Variants in STX8 observed in about 807,000 individuals in gnomAD.
STX8 encodes syntaxin-8.
STX8 carries 23 observed loss-of-function variants against 37.5 expected under a neutral mutation model. The ratio of observed to expected loss-of-function variants is 0.61; its 90% confidence interval spans 0.44 to 0.87. The LOEUF (loss-of-function observed/expected upper bound fraction) is 0.87, where lower values mean the gene tolerates loss of function less well. Ranked by LOEUF, STX8 falls within the 40% of genes least tolerant of loss-of-function variation. The pLI is 0.00. For synonymous variants in STX8, 115 were observed against 99.1 expected, an observed-to-expected ratio of 1.16 and a Z score of -0.95; for missense variants, 313 against 284.7, an observed-to-expected ratio of 1.10 and a Z score of -0.71.
chr17:9,342,750 C>T (rs141087164), intron 7 of STX8, among the ~76,000 whole-genome samples: 16 of 152,118 alleles, frequency 1.1e-4, no homozygotes, highest in East Asian at 5.8e-4. Context: ...TGGCCGGGCG[C>T]GGTGGCTCAC....
chr17:9,327,343 GAGGAGGAGAAGGAGAGGGAGAGGGAGA>G (rs1301410922), intron 7 of STX8, among the ~76,000 whole-genome samples: 1 of 150,424 alleles, frequency 6.6e-6, no homozygotes, highest in Non-Finnish European at 1.5e-5. Flanking sequence ...GGAGAAGGAG[GAGGAGGAGAAGGAGAGGGAGAGGGAGA>G]AGGAGGAGAA....
At chr17:9,436,970 T>C (rs139878185) in intron 6 of STX8, among the ~76,000 whole-genome samples, 1 of 152,294 alleles carries the variant, frequency 6.6e-6, no homozygotes, top group African/African-American at 2.4e-5. Context: ...AATACTCTTC[T>C]GTGCAATAAA....
intron 6 of STX8, among the ~76,000 whole-genome samples, chr17:9,409,012 C>A (rs567088636): frequency 5.5e-4 from 81 of 146,958 alleles, no homozygotes; most frequent in Non-Finnish European, 6.3e-4. Flanking sequence ...TTCTCCCTAC[C>A]CCCCCTACTG....
chr17:9,430,658 T>A (rs1016714140), intron 6 of STX8, among the ~76,000 whole-genome samples: 2 of 150,364 alleles, frequency 1.3e-5, no homozygotes, highest in African/African-American at 4.9e-5. Flanking sequence ...GCTTTTTTTT[T>A]TTTTTTTTTG....
chr17:9,499,377 C>T (rs565421481), intron 5 of STX8, among the ~76,000 whole-genome samples: 3 of 152,138 alleles, frequency 2.0e-5, no homozygotes, highest in South Asian at 2.1e-4. Flanking sequence ...AAAAACAGCT[C>T]GCTAGCAAAG....
intron 6 of STX8, among the ~76,000 whole-genome samples, chr17:9,385,374 A>G (rs757779748): frequency 3.3e-5 from 5 of 152,214 alleles, no homozygotes; most frequent in Non-Finnish European, 7.3e-5. Context: ...AAAAATTAAT[A>G]AATAAGCCAC....
chr17:9,506,418 CCCACCCACCTTTCTTAGGAAA>C (rs1435953205), intron 4 of STX8, among the ~76,000 whole-genome samples: 4 of 98,492 alleles, frequency 4.1e-5, no homozygotes, highest in African/African-American at 1.5e-4. Context: ...CCCCCCCCCC[CCCACCCACCTTTCTTAGGAAA>C]GGACTAAGGC....
intron 7 of STX8, among the ~76,000 whole-genome samples, chr17:9,372,852 C>T (rs1186062682): frequency 6.7e-6 from 1 of 149,370 alleles, no homozygotes; most frequent in Non-Finnish European, 1.5e-5. Context: ...GCCTGTAATC[C>T]CAAAACTTTG....
At chr17:9,562,610 AAAAAT>A (rs371141198) in intron 2 of STX8, among the ~76,000 whole-genome samples, 4,690 of 23,280 alleles carry the variant, frequency 0.2, 70 homozygotes, top group Middle Eastern at 0.5. Flanking sequence ...AGAAAAAAAA[AAAAAT>A]ATATATATAT....
intron 6 of STX8, among the ~76,000 whole-genome samples, chr17:9,489,861 TG>T (rs1325448788): frequency 6.6e-6 from 1 of 152,084 alleles, no homozygotes; most frequent in Non-Finnish European, 1.5e-5. Context: ...GCTAATTTTT[TG>T]TATCTTTAGT....
At chr17:9,307,734 G>T (rs8067593) in intron 7 of STX8, among the ~76,000 whole-genome samples, 17,921 of 151,914 alleles carry the variant, frequency 0.12, 3,350 homozygotes, top group African/African-American at 0.4. Context: ...AACTGAGGGA[G>T]ACTGGGAGGC....
intron 4 of STX8, among the ~76,000 whole-genome samples, chr17:9,525,670 C>G (rs1192149957): frequency 6.6e-6 from 1 of 152,066 alleles, no homozygotes; most frequent in Non-Finnish European, 1.5e-5. Context: ...TTCTAATCTC[C>G]CAGATCATTT....
chr17:9,423,131 A>G (rs1913504305), intron 6 of STX8, among the ~76,000 whole-genome samples: 1 of 152,248 alleles, frequency 6.6e-6, no homozygotes, highest in African/African-American at 2.4e-5. Context: ...CACTTTCCCC[A>G]GAATCAAAAG....
At chr17:9,491,141 C>G (rs1223948071) in intron 6 of STX8, among the ~76,000 whole-genome samples, 1 of 152,208 alleles carries the variant, frequency 6.6e-6, no homozygotes, top group Non-Finnish European at 1.5e-5. Context: ...CCGCCGGCAT[C>G]TCTAATTAGA....
intron 3 of STX8, among the ~76,000 whole-genome samples, chr17:9,546,598 T>TTTTTG (rs1836502599): frequency 1.6e-5 from 2 of 124,212 alleles, no homozygotes. Context: ...GTGGTTTTTT[T>TTTTTG]TTTTTTTTTT....
At chr17:9,313,993 A>G (rs749869011) in intron 7 of STX8, among the ~76,000 whole-genome samples, 113 of 152,192 alleles carry the variant, frequency 7.4e-4, no homozygotes, top group Non-Finnish European at 1.2e-3. Context: ...AGTTCTCATA[A>G]GAGTTTACCT....
At chr17:9,491,678 C>T (rs1035129430) in intron 6 of STX8, 151 bp downstream of exon 6, 28 of 649,262 alleles carry the variant, frequency 4.3e-5, no homozygotes, top group African/African-American at 4.2e-4. Context: ...TCTAAATCTG[C>T]CACAACCCCC....
At position 9,443,564 on chromosome 17, in the gene STX8, T is replaced by C. The variant is rs760789004; in HGVS notation, c.541+48265A>G. ...CCACAGAGCCATTCCCCTTGAGCCATAGAGCCACACAGAGCCACTCCCTTG... is the reference window on the plus strand; with the variant it reads ...CCACAGAGCCATTCCCCTTGAGCCACAGAGCCACACAGAGCCACTCCCTTG... On this transcript the variant is annotated intron_variant, in intron 6 of 7. Transcript: ENST00000306357. Among the ~76,000 whole-genome samples the C allele has an allele frequency of 3.4e-4, 52 of 152,148 alleles. 1 individual carries two copies. The highest frequency in any genetic ancestry group is 6.8e-3 in the Middle Eastern group (2 of 294).
At chr17:9,530,103 C>G (rs1420670598) in intron 4 of STX8, among the ~76,000 whole-genome samples, 1 of 152,014 alleles carries the variant, frequency 6.6e-6, no homozygotes, top group East Asian at 1.9e-4. Flanking sequence ...GTCAGGAGAT[C>G]GAGACCATCC....
Sources: gnomAD v4.1 joint callset for allele counts (sites outside exome capture counted in the v4.1 genomes callset) on GRCh38, gnomAD v4.1.1 for gene constraint, MANE v1.5 for transcripts, NCBI Gene and HGNC (gene_info 2026-07-23, HGNC 2026-07-21) for gene names.